CYB5B: variants seen among roughly 807,000 people sequenced by gnomAD.
The protein encoded by CYB5B is cytochrome b5 type B (outer mitochondrial membrane).
CYB5B carries 14 observed loss-of-function variants against 21.3 expected under a neutral mutation model. That is an observed-to-expected ratio of 0.66 (90% CI 0.43 to 1.03). CYB5B has a LOEUF of 1.03. Among genes scored for constraint, CYB5B ranks in the 50% least tolerant of loss-of-function variants. The pLI is 0.00. For synonymous variants in CYB5B, 69 were observed against 68.4 expected, an observed-to-expected ratio of 1.01 and a Z score of -0.04; for missense variants, 166 against 185.1, an observed-to-expected ratio of 0.90 and a Z score of 0.60.
chr16:69,463,704 A>G lies in CYB5B; in HGVS notation c.*1184A>G, dbSNP rs555748715. 3.9e-5 allele frequency: 6 copies of G among 152,274 alleles called. No individual in the cohort carries two copies. The highest frequency in any genetic ancestry group is 6.5e-5 in the Admixed American group (1 of 15,292). 9.4% of individuals were successfully genotyped at this position (152,274 alleles called of 1,614,324 possible). A position where few individuals can be genotyped will look rare whatever the true frequency, so the allele number is the denominator to read the frequency against. On this transcript the variant is annotated 3_prime_UTR_variant, in exon 5 of 5. Coordinates refer to ENST00000307892, the MANE Select transcript of CYB5B (RefSeq NM_030579.3). ...TGGTATTTGAAAGTGAGAGTTCATG[A>G]CAACAGACCGTTTTCCATTTCATCT...
At chr16:69,454,775 T>C (rs867233224) in intron 3 of CYB5B, among the ~76,000 whole-genome samples, 9 of 152,348 alleles carry the variant, frequency 5.9e-5, no homozygotes, top group Non-Finnish European at 1.0e-4. Context: ...GGAATAGCAA[T>C]GTAGGAATTA....
intron 1 of CYB5B, among the ~76,000 whole-genome samples, chr16:69,436,853 C>T (rs1252036218): frequency 1.3e-5 from 2 of 152,140 alleles, no homozygotes; most frequent in African/African-American, 4.8e-5. Flanking sequence ...AACTGCCATT[C>T]TTCACATTCT....
Position 69,459,082 on chromosome 16 carries a change from T to TA in CYB5B, c.334-11_334-10insA. 1.3e-6 allele frequency: 2 copies of TA among 1,586,712 alleles called. No homozygotes were observed. Among genetic ancestry groups the TA allele is most frequent in the Non-Finnish European group, 1.7e-6 (2 of 1,171,428 alleles). On this transcript the variant is annotated splice_polypyrimidine_tract_variant and intron_variant, in intron 3 of 4. Transcript: ENST00000307892. ...TTGTTATTTTTGAATTTTTTTTTTTTTTTATTTCAGGACCCTTCAAAAAAT... is the reference window on the plus strand; with the variant it reads ...TTGTTATTTTTGAATTTTTTTTTTTTATTTATTTCAGGACCCTTCAAAAAAT...
At chr16:69,459,533 G>T in intron 4 of CYB5B, 1 of 156,990 alleles carries the variant, frequency 6.4e-6, no homozygotes, top group East Asian at 1.9e-4. Context: ...CATATTGCAG[G>T]AGAAAAAAAT....
intron 1 of CYB5B, among the ~76,000 whole-genome samples, chr16:69,425,728 C>G (rs911756396): frequency 3.9e-5 from 6 of 152,176 alleles, no homozygotes; most frequent in African/African-American, 1.4e-4. Context: ...CAGTCATTCT[C>G]TCCCAACCCC....
intron 3 of CYB5B, among the ~76,000 whole-genome samples, chr16:69,451,806 C>T (rs1475231298): frequency 2.6e-5 from 4 of 151,924 alleles, no homozygotes; most frequent in African/African-American, 4.8e-5. Context: ...AAAAAATTAG[C>T]CGGCCGTGGC....
rs371650946 is a variant in CYB5B at position 69,424,733 on chromosome 16, G to A, written c.50G>A (p.Gly17Glu). 6.2e-7 allele frequency: 1 copy of A among 1,600,300 alleles called. No individual in the cohort carries two copies. Among genetic ancestry groups the A allele is most frequent in the Non-Finnish European group, 8.5e-7 (1 of 1,173,506 alleles). The change falls in exon 1 of 5, where the codon GGG becomes GAG. Residue 17 changes from glycine to glutamate, a missense_variant. Physicochemically the swap from Gly to Glu is moderately conservative, Grantham distance 98. Transcript: ENST00000307892. The part of the protein sequence containing the change: ...TAEASGSDGK[G>E]QEVETSVTYY... ...GAAGCTAGCGGCAGCGATGGGAAAGGGCAGGAAGTCGAGACCTCAGTCACC... is the reference window on the plus strand; with the variant it reads ...GAAGCTAGCGGCAGCGATGGGAAAGAGCAGGAAGTCGAGACCTCAGTCACC...
intron 3 of CYB5B, among the ~76,000 whole-genome samples, chr16:69,456,175 T>C (rs1304816409): frequency 6.6e-6 from 1 of 152,200 alleles, no homozygotes; most frequent in Non-Finnish European, 1.5e-5. Context: ...GGTCTTGATC[T>C]GTCCTCCAGG....
chr16:69,431,705 G>A (rs1019819171), intron 1 of CYB5B, among the ~76,000 whole-genome samples: 1 of 152,094 alleles, frequency 6.6e-6, no homozygotes, highest in Non-Finnish European at 1.5e-5. Flanking sequence ...CCAGGACATC[G>A]AGGCTGCAGT....
chr16:69,436,039 T>C (rs985167948), intron 1 of CYB5B, among the ~76,000 whole-genome samples: 1 of 152,246 alleles, frequency 6.6e-6, no homozygotes, highest in African/African-American at 2.4e-5. Context: ...ATTTAACCTC[T>C]ATCACTGCCC....
intron 1 of CYB5B, among the ~76,000 whole-genome samples, chr16:69,429,185 G>A (rs796607686): frequency 1.3e-4 from 20 of 152,224 alleles, no homozygotes; most frequent in African/African-American, 4.3e-4. Flanking sequence ...AGACCTTCGC[G>A]GTGAGTGTTA....
intron 1 of CYB5B, among the ~76,000 whole-genome samples, chr16:69,442,411 A>G (rs1296339273): frequency 1.3e-5 from 2 of 152,100 alleles, no homozygotes; most frequent in South Asian, 2.1e-4. Flanking sequence ...CACACACTGC[A>G]TTTTTTCTAG....
At chr16:69,459,661 A>T (rs993379922) in intron 4 of CYB5B, 3 of 152,510 alleles carry the variant, frequency 2.0e-5, no homozygotes, top group African/African-American at 7.2e-5. Context: ...CCTTACCTTA[A>T]GTGCCTCTAT....
At position 69,451,964 on chromosome 16, in the gene CYB5B, T is replaced by A. The variant is rs1168380207; in HGVS notation, c.333+3820T>A. 6.7e-5 allele frequency among the ~76,000 whole-genome samples: 9 copies of A among 133,494 alleles called. No homozygotes were observed. In the East Asian group the frequency reaches 6.8e-4, roughly 10 times the overall value. 87.6% of individuals were successfully genotyped at this position (133,494 alleles called of 152,430 possible). On this transcript the variant is annotated intron_variant, in intron 3 of 4. Coordinates refer to ENST00000307892, the MANE Select transcript of CYB5B (RefSeq NM_030579.3). Reference sequence around the variant, plus strand: ...TCTCAAAAAAAAAAAAAAAAAAAAATTCCCTCGTATATCCAGCTCTGAGAC... The same window carrying A: ...TCTCAAAAAAAAAAAAAAAAAAAAAATCCCTCGTATATCCAGCTCTGAGAC...
At chr16:69,451,685 C>T (rs2142823222) in intron 3 of CYB5B, among the ~76,000 whole-genome samples, 1 of 152,240 alleles carries the variant, frequency 6.6e-6, no homozygotes, top group East Asian at 1.9e-4. Context: ...GGGGCGGTGA[C>T]TCACGCCTGT....
At chr16:69,434,859 TC>T (rs1310996344) in intron 1 of CYB5B, among the ~76,000 whole-genome samples, 4 of 66,890 alleles carry the variant, frequency 6.0e-5, no homozygotes, top group Non-Finnish European at 8.9e-5. Flanking sequence ...CAAGACTTCA[TC>T]TCAAAAAAAA....
intron 1 of CYB5B, among the ~76,000 whole-genome samples, chr16:69,439,335 C>T (rs182717537): frequency 9.9e-5 from 15 of 151,958 alleles, no homozygotes; most frequent in Admixed American, 3.3e-4. Flanking sequence ...CTCAGCCTCC[C>T]GAATAGCTGG....
rs954294081 is a variant in CYB5B at position 69,447,375 on chromosome 16, C to G, written c.303+97C>G. On this transcript the variant is annotated intron_variant, in intron 2 of 4. Coordinates refer to ENST00000307892, the MANE Select transcript of CYB5B (RefSeq NM_030579.3). ...ATGAATTATTGGCTGGGCGTGGTGG[C>G]TCACACCTGTCATCCCAGTACTTTG... 4.0e-5 allele frequency: 60 copies of G among 1,492,190 alleles called. No homozygotes were observed. In the Admixed American group the frequency reaches 1.1e-3, roughly 27 times the overall value. The allele number at this position is 1,492,190 out of a possible 1,614,324, so 92.4% of individuals were successfully genotyped here. A position where few individuals can be genotyped will look rare whatever the true frequency, so the allele number is the denominator to read the frequency against.
intron 1 of CYB5B, among the ~76,000 whole-genome samples, chr16:69,427,927 T>C (rs965531258): frequency 2.1e-5 from 3 of 142,740 alleles, no homozygotes; most frequent in African/African-American, 8.0e-5. Context: ...ACCCGGGAGG[T>C]GGAGGTTGCA....
Sources: gnomAD v4.1 joint callset for allele counts (sites outside exome capture counted in the v4.1 genomes callset) on GRCh38, gnomAD v4.1.1 for gene constraint, MANE v1.5 for transcripts, NCBI Gene and HGNC (gene_info 2026-07-23, HGNC 2026-07-21) for gene names.